Variants in RFX3 observed in about 807,000 individuals in gnomAD.
The protein encoded by RFX3 is transcription factor RFX3.
Under a neutral mutation model 98.6 loss-of-function variants are expected in RFX3, and 14 were observed. The ratio of observed to expected loss-of-function variants is 0.14; its 90% CI spans 0.09 to 0.22. RFX3 has a LOEUF of 0.22. RFX3 is among the 10% of genes least tolerant of loss of function. The pLI is 1.00. For synonymous variants in RFX3, 383 were observed against 328.4 expected, an observed-to-expected ratio of 1.17 and a Z score of -1.80; for missense variants, 639 against 926.9, an observed-to-expected ratio of 0.69 and a Z score of 4.03.
At chr9:3,496,464 T>C (rs941429958) in intron 1 of RFX3, among the ~76,000 whole-genome samples, 2 of 152,008 alleles carry the variant, frequency 1.3e-5, no homozygotes, top group African/African-American at 4.8e-5. Context: ...GATTGTCTAC[T>C]GCCATGTTAC....
intron 15 of RFX3, among the ~76,000 whole-genome samples, chr9:3,236,391 G>GTACC (rs1819152600): frequency 6.6e-6 from 1 of 152,148 alleles, no homozygotes; most frequent in Non-Finnish European, 1.5e-5. Flanking sequence ...AATATACTGA[G>GTACC]GGATAGGAGG....
At chr9:3,486,128 CAAAAAAAAA>C (rs772747349) in intron 1 of RFX3, among the ~76,000 whole-genome samples, 4 of 49,156 alleles carry the variant, frequency 8.1e-5, no homozygotes, top group Non-Finnish European at 1.5e-4. Context: ...TGTCTCAAAC[CAAAAAAAAA>C]AAAAAAAAAA....
intron 4 of RFX3, among the ~76,000 whole-genome samples, chr9:3,321,588 A>G (rs956016711): frequency 4.6e-5 from 7 of 152,144 alleles, no homozygotes; most frequent in African/African-American, 1.7e-4. Flanking sequence ...GTGGTCTATA[A>G]ATTTAAAAAA....
intron 1 of RFX3, among the ~76,000 whole-genome samples, chr9:3,492,747 T>C (rs1415826381): frequency 6.6e-6 from 1 of 152,188 alleles, no homozygotes; most frequent in Non-Finnish European, 1.5e-5. Flanking sequence ...TTTGCCACTA[T>C]GCTCTAGAAC....
rs562060210 is a variant in RFX3, at chr9:3,496,200, A to G, written c.-9+29547T>C. 1.3e-4 allele frequency among the ~76,000 whole-genome samples: 20 copies of G among 152,110 alleles called. No individual in the cohort carries two copies. In the East Asian group the frequency reaches 3.7e-3, roughly 28 times the overall value. On this transcript the variant is annotated intron_variant, in intron 1 of 16. Transcript: ENST00000617270. ...CTATTTAATACGAGCCTCGTTGTAT[A>G]TATTTACTAAAATAACTAAACTTGT...
chr9:3,422,674 G>C lies in RFX3; in HGVS notation c.-8-27078C>G, dbSNP rs917607095. On this transcript the variant is annotated intron_variant, in intron 1 of 16. Transcript: ENST00000617270. ...TTATTTTACAGTTTTGTCCAATTTA[G>C]CTACTAGCTTGAATGGTAAATAATA... is the stretch of plus-strand genomic sequence containing the variant. Among the ~76,000 whole-genome samples the C allele has an allele frequency of 1.2e-4, 19 of 152,124 alleles. 1 individual carries two copies.
intron 1 of RFX3, among the ~76,000 whole-genome samples, chr9:3,431,360 A>T (rs146967454): frequency 4.7e-4 from 71 of 152,288 alleles, no homozygotes; most frequent in Middle Eastern, 3.4e-3. Flanking sequence ...CAAAAAGTTG[A>T]ATTGTTTCAT....
At chr9:3,267,318 A>AT (rs1253369471) in intron 11 of RFX3, among the ~76,000 whole-genome samples, 1 of 151,962 alleles carries the variant, frequency 6.6e-6, no homozygotes, top group African/African-American at 2.4e-5. Context: ...ATATGCTACT[A>AT]TAAGAAACAC....
chr9:3,364,722 T>C (rs112975905), intron 2 of RFX3: 1,928 of 156,194 alleles, frequency 0.012, 22 homozygotes, highest in Non-Finnish European at 0.02. Flanking sequence ...AAATATATGG[T>C]TCTACAATCC....
chr9:3,289,077 T>C (rs1009948848), intron 6 of RFX3, among the ~76,000 whole-genome samples: 3 of 152,260 alleles, frequency 2.0e-5, no homozygotes, highest in African/African-American at 7.2e-5. Flanking sequence ...AAAATATCAT[T>C]TTAAATATGT....
intron 4 of RFX3, among the ~76,000 whole-genome samples, chr9:3,310,390 T>C (rs966058168): frequency 6.6e-6 from 1 of 152,190 alleles, no homozygotes; most frequent in African/African-American, 2.4e-5. Context: ...AATTATATCA[T>C]CTTATTTATT....
chr9:3,250,317 T>C (rs1168600663), intron 14 of RFX3, among the ~76,000 whole-genome samples: 1 of 151,958 alleles, frequency 6.6e-6, no homozygotes, highest in Admixed American at 6.6e-5. Flanking sequence ...GTATTTAAAA[T>C]TTTCAAATTT....
chr9:3,524,022 T>C (rs1231564368), intron 1 of RFX3, among the ~76,000 whole-genome samples: 1 of 152,224 alleles, frequency 6.6e-6, no homozygotes, highest in Non-Finnish European at 1.5e-5. Context: ...CAAGAATAAT[T>C]AGTACTGTCA....
rs112328407 is a variant in RFX3 at position 3,353,139 on chromosome 9, T to C, written c.118-6375A>G. ...GCATGTTCTCACTCATAGGTGGGAA[T>C]TGAACAATGAGAACACATGGACACA... On this transcript the variant is annotated intron_variant, in intron 2 of 16. Coordinates refer to ENST00000617270, the MANE Select transcript of RFX3 (RefSeq NM_001282116.2). Among the ~76,000 whole-genome samples the C allele has an allele frequency of 2.0e-4, 29 of 145,952 alleles. 1 individual carries two copies. Among genetic ancestry groups the C allele is most frequent in the African/African-American group, 6.1e-4 (24 of 39,172 alleles).
At chr9:3,324,098 A>G (rs1161505563) in intron 4 of RFX3, 3 of 408,880 alleles carry the variant, frequency 7.3e-6, no homozygotes, top group Non-Finnish European at 1.6e-5. Flanking sequence ...GAGTTGGCCT[A>G]GGGAAAAAGG....
intron 1 of RFX3, chr9:3,420,972 G>T: frequency 7.2e-6 from 6 of 834,748 alleles, no homozygotes; most frequent in Non-Finnish European, 8.6e-6. Flanking sequence ...AGCCTAAGGA[G>T]TAATGAAATC....
At chr9:3,313,181 T>G (rs937934395) in intron 4 of RFX3, among the ~76,000 whole-genome samples, 3 of 152,072 alleles carry the variant, frequency 2.0e-5, no homozygotes, top group Admixed American at 1.3e-4. Flanking sequence ...AGAGGAACAA[T>G]CAGGCAGCAA....
At chr9:3,500,572 C>T (rs1193901869) in intron 1 of RFX3, among the ~76,000 whole-genome samples, 2 of 152,074 alleles carry the variant, frequency 1.3e-5, no homozygotes, top group African/African-American at 4.8e-5. Context: ...CTTAATTTTA[C>T]AAAGAATTAA....
At chr9:3,337,336 G>C (rs1315870798) in intron 3 of RFX3, among the ~76,000 whole-genome samples, 1 of 152,218 alleles carries the variant, frequency 6.6e-6, no homozygotes, top group African/African-American at 2.4e-5. Flanking sequence ...AAGGCAGCCA[G>C]AATGAGCAAC....
Sources: allele counts gnomAD v4.1 joint callset (sites outside exome capture counted in the v4.1 genomes callset), GRCh38; gene constraint gnomAD v4.1.1; transcripts MANE v1.5; gene names NCBI Gene and HGNC (gene_info 2026-07-23, HGNC 2026-07-21).